Variants in EXT1 observed in about 807,000 individuals in gnomAD.
The protein encoded by EXT1 is exostosin glycosyltransferase 1, also known as exostosin-1.
EXT1 carries 20 observed loss-of-function variants against 82.5 expected under a neutral mutation model. The ratio of observed to expected loss-of-function variants is 0.24; its 90% CI spans 0.17 to 0.35. The LOEUF is 0.35. EXT1 is among the 10% of genes least tolerant of loss of function. The pLI is 1.00. For missense variants in EXT1, 757 were observed against 936.5 expected (o/e 0.81, Z 2.50); for synonymous variants, 348 against 350.8 (o/e 0.99, Z 0.09).
intron 1 of EXT1, among the ~76,000 whole-genome samples, chr8:118,061,502 A>G (rs535450906): frequency 6.6e-6 from 1 of 152,206 alleles, no homozygotes; most frequent in Non-Finnish European, 1.5e-5. Flanking sequence ...GGCTCGTTAC[A>G]TTCCTAAAAC....
intron 10 of EXT1, among the ~76,000 whole-genome samples, chr8:117,802,319 AT>A (rs1413251927): frequency 2.6e-5 from 4 of 152,330 alleles, no homozygotes; most frequent in South Asian, 2.1e-4. Context: ...GAGTAAAAAA[AT>A]ATTTTTAAAA....
In EXT1 at chr8:117,986,533, TA is replaced by T. The variant is rs764334026; in HGVS notation, c.962+123551del. ...TTTTAATGAAGAATAAATTTAGGTC[TA>T]AAAAATAAGACCAAAGCCCATTAAT... On this transcript the variant is annotated intron_variant, in intron 1 of 10. Coordinates refer to ENST00000378204, the MANE Select transcript of EXT1 (RefSeq NM_000127.3). Among the ~76,000 whole-genome samples the T allele has an allele frequency of 1.0e-3, 158 of 152,314 alleles. 1 individual carries two copies. The highest frequency in any genetic ancestry group is 1.8e-3 in the Non-Finnish European group (121 of 68,020).
chr8:118,001,207 G>T (rs1468691221), intron 1 of EXT1, among the ~76,000 whole-genome samples: 2 of 151,838 alleles, frequency 1.3e-5, no homozygotes, highest in African/African-American at 4.8e-5. Context: ...TTTGTTTTTT[G>T]AGACGGTCTC....
intron 1 of EXT1, among the ~76,000 whole-genome samples, chr8:117,925,910 A>G (rs995400630): frequency 6.6e-6 from 1 of 152,004 alleles, no homozygotes; most frequent in Non-Finnish European, 1.5e-5. Context: ...AAACAAATGA[A>G]CAAACAAAAA....
At chr8:117,827,145 A>C (rs4876758) in intron 4 of EXT1, among the ~76,000 whole-genome samples, 34,737 of 152,168 alleles carry the variant, frequency 0.23, 4,622 homozygotes, top group Middle Eastern at 0.36. Flanking sequence ...TTCTAGGTGG[A>C]TATAATGTTT....
chr8:117,845,566 A>T (rs35186392), intron 1 of EXT1, among the ~76,000 whole-genome samples: 24,452 of 150,282 alleles, frequency 0.16, 2,403 homozygotes, highest in East Asian at 0.38. Context: ...TAAAAAAAAA[A>T]AATAAATAAA....
At chr8:118,019,838 C>G (rs975100707) in intron 1 of EXT1, among the ~76,000 whole-genome samples, 1 of 152,230 alleles carries the variant, frequency 6.6e-6, no homozygotes, top group African/African-American at 2.4e-5. Flanking sequence ...ACTCTGCCCT[C>G]TTAGCCACCA....
At chr8:118,022,302 T>C (rs1298984381) in intron 1 of EXT1, among the ~76,000 whole-genome samples, 3 of 147,974 alleles carry the variant, frequency 2.0e-5, no homozygotes, top group Non-Finnish European at 4.5e-5. Flanking sequence ...AAAAAAGATA[T>C]ACTTGGCCGG....
At chr8:118,037,857 TGAGATGGA>T (rs1816453849) in intron 1 of EXT1, among the ~76,000 whole-genome samples, 1 of 148,440 alleles carries the variant, frequency 6.7e-6, no homozygotes, top group South Asian at 2.1e-4. Context: ...TTTTTTTTTT[TGAGATGGA>T]GTTTCACTCT....
At chr8:117,817,382 G>A (rs79441272) in intron 7 of EXT1, among the ~76,000 whole-genome samples, 3 of 152,172 alleles carry the variant, frequency 2.0e-5, no homozygotes, top group Non-Finnish European at 4.4e-5. Context: ...GCGCAAAGGT[G>A]TGAGCCACTC....
chr8:118,030,807 C>T (rs1407939402), intron 1 of EXT1, among the ~76,000 whole-genome samples: 2 of 152,130 alleles, frequency 1.3e-5, no homozygotes, highest in African/African-American at 4.8e-5. Flanking sequence ...GAGGTCTTGG[C>T]TTCTGTTTCT....
At position 118,102,067 on chromosome 8, in the gene EXT1, G is replaced by A. The variant is rs1441468778; in HGVS notation, c.962+8018C>T. Among the ~76,000 whole-genome samples the A allele has an allele frequency of 2.0e-5, 3 of 151,702 alleles. No individual in the cohort carries two copies. In the East Asian group the frequency reaches 5.8e-4, roughly 29 times the overall value. On this transcript the variant is annotated intron_variant, in intron 1 of 10. Coordinates refer to ENST00000378204, the MANE Select transcript of EXT1 (RefSeq NM_000127.3). The stretch of plus-strand genomic sequence containing the variant: ...AGATCACCTCAGATCAGGAATTCAA[G>A]ACCCGCCTGGCCAATACAGCAAAAC...
At chr8:117,922,049 G>A (rs1813866824) in intron 1 of EXT1, among the ~76,000 whole-genome samples, 1 of 151,700 alleles carries the variant, frequency 6.6e-6, no homozygotes, top group African/African-American at 2.4e-5. Context: ...AAAACTGCAG[G>A]AATTCAACTG....
intron 1 of EXT1, among the ~76,000 whole-genome samples, chr8:118,077,162 C>G (rs1343363633): frequency 2.0e-5 from 3 of 152,158 alleles, no homozygotes; most frequent in African/African-American, 7.2e-5. Context: ...AGGTAGTATG[C>G]TAGGAATGCC....
At position 118,110,740 on chromosome 8, in the gene EXT1, A is replaced by G. The variant is rs1242235773; in HGVS notation, c.307T>C (p.Cys103Arg). 1 of 1,614,224 alleles carries G rather than the reference A, an allele frequency of 6.2e-7. No homozygotes were observed. The highest frequency in any genetic ancestry group is 8.5e-7 in the Non-Finnish European group (1 of 1,180,052). ...YKGKKCRMES[C>R]FDFTLCKKNG... Reference sequence around the variant, plus strand: ...TTCTTGCAAAGGGTGAAATCGAAGCAGGACTCCATGCGGCACTTCTTGCCT... The same window carrying G: ...TTCTTGCAAAGGGTGAAATCGAAGCGGGACTCCATGCGGCACTTCTTGCCT... The change falls in exon 1 of 11, where the codon TGC (cysteine) becomes CGC (arginine). Residue 103 changes from cysteine (C) to arginine (R), a missense_variant. Cys to Arg is a radical substitution (Grantham distance 180). Transcript: ENST00000378204.
intron 1 of EXT1, among the ~76,000 whole-genome samples, chr8:117,959,365 A>G (rs1218129501): frequency 2.0e-5 from 3 of 152,134 alleles, no homozygotes; most frequent in Non-Finnish European, 2.9e-5. Context: ...CTTCTGCTTC[A>G]TGTTTCCCAC....
At chr8:118,073,619 A>G (rs1817138466) in intron 1 of EXT1, among the ~76,000 whole-genome samples, 1 of 138,120 alleles carries the variant, frequency 7.2e-6, no homozygotes, top group Admixed American at 7.0e-5. Context: ...GGAAAGGAAG[A>G]GAAGAGAAGA....
chr8:117,888,764 C>A (rs1813193242), intron 1 of EXT1, among the ~76,000 whole-genome samples: 1 of 152,178 alleles, frequency 6.6e-6, no homozygotes, highest in Admixed American at 6.5e-5. Flanking sequence ...CCTTCCATAT[C>A]ATCTCCAGCC....
At chr8:117,800,203 A>T (rs1823145751) in intron 10 of EXT1, among the ~76,000 whole-genome samples, 1 of 152,230 alleles carries the variant, frequency 6.6e-6, no homozygotes, top group Non-Finnish European at 1.5e-5. Context: ...CGACTACTAC[A>T]GTGACTCAAT....
Sources: gnomAD v4.1 joint callset for allele counts (sites outside exome capture counted in the v4.1 genomes callset) on GRCh38, gnomAD v4.1.1 for gene constraint, MANE v1.5 for transcripts, NCBI Gene and HGNC (gene_info 2026-07-23, HGNC 2026-07-21) for gene names.